TMC2: variants seen among roughly 807,000 people sequenced by gnomAD.
The protein encoded by TMC2 is transmembrane channel like 2.
A neutral mutation model predicts 105.9 loss-of-function variants in TMC2; 102 were observed. The ratio of observed to expected loss-of-function variants is 0.96; its 90% CI spans 0.82 to 1.14. TMC2 has a LOEUF of 1.14. Ranked by LOEUF, TMC2 falls within the 50% of genes most tolerant of loss-of-function variation. The pLI, the probability that TMC2 is intolerant of heterozygous loss-of-function variation, is 0.00. For missense variants in TMC2, 1,093 were observed against 1,134.3 expected, an observed-to-expected ratio of 0.96 and a Z score of 0.52; for synonymous variants, 402 against 422.8, an observed-to-expected ratio of 0.95 and a Z score of 0.60.
chr20:2,591,271 C>T (rs183072904), intron 7 of TMC2, among the ~76,000 whole-genome samples: 70 of 151,882 alleles, frequency 4.6e-4, no homozygotes, highest in Admixed American at 3.2e-3. Flanking sequence ...TACCTTATGA[C>T]GTAGGAAACT....
chr20:2,618,777 C>T (rs1259009486), intron 16 of TMC2, among the ~76,000 whole-genome samples: 1 of 152,226 alleles, frequency 6.6e-6, no homozygotes. Context: ...CAGTTTAGGA[C>T]GTACTGCCCC....
chr20:2,594,758 A>T (rs943547816), intron 8 of TMC2, 67 bp from the exon 9 acceptor site: 1 of 1,473,634 alleles, frequency 6.8e-7, no homozygotes, highest in Non-Finnish European at 9.3e-7. Flanking sequence ...CTGGTAGAGT[A>T]GACATGTCTG....
intron 4 of TMC2, among the ~76,000 whole-genome samples, chr20:2,562,937 C>T (rs2086037438): frequency 6.6e-6 from 1 of 151,618 alleles, no homozygotes. Flanking sequence ...CAGAGGGAGA[C>T]TCTGTATCAA....
intron 17 of TMC2, among the ~76,000 whole-genome samples, chr20:2,626,807 G>A (rs1361478870): frequency 6.6e-6 from 1 of 152,128 alleles, no homozygotes; most frequent in Non-Finnish European, 1.5e-5. Context: ...CAGTTACTAC[G>A]GGACTGAACG....
chr20:2,545,708 GA>G (rs375645858), intron 2 of TMC2, among the ~76,000 whole-genome samples: 1 of 106,742 alleles, frequency 9.4e-6, no homozygotes, highest in African/African-American at 2.8e-5. Flanking sequence ...GAAGAAAGAA[GA>G]AGGAAGAAGA....
At chr20:2,637,965 G>A (rs555097614) in intron 19 of TMC2, among the ~76,000 whole-genome samples, 43 of 152,304 alleles carry the variant, frequency 2.8e-4, no homozygotes, top group African/African-American at 8.9e-4. Flanking sequence ...GCCAAGTGAC[G>A]TAACTGTCAA....
chr20:2,582,162 C>T (rs956338716), intron 7 of TMC2, among the ~76,000 whole-genome samples: 1 of 152,166 alleles, frequency 6.6e-6, no homozygotes, highest in Admixed American at 6.5e-5. Context: ...GAGTGAAGTG[C>T]ACGGACAAGT....
At position 2,641,358 on chromosome 20, in the gene TMC2, G is replaced by C. The variant is rs762058464; in HGVS notation, c.*7G>C. On this transcript the variant is annotated 3_prime_UTR_variant, in exon 20 of 20. Coordinates refer to ENST00000358864, the MANE Select transcript of TMC2 (RefSeq NM_080751.3). ...TCAGAGACCTCCCCACTGATGGCTA[G>C]GACTCCAGGGAGCCTCGACCCTAGG... is the stretch of plus-strand genomic sequence containing the variant. The C allele has an allele frequency of 6.3e-7, 1 of 1,596,168 alleles. No individual in the cohort carries two copies. The highest frequency in any genetic ancestry group is 8.6e-7 in the Non-Finnish European group (1 of 1,164,822).
At chr20:2,566,872 C>G (rs1371810801) in intron 4 of TMC2, among the ~76,000 whole-genome samples, 2 of 152,202 alleles carry the variant, frequency 1.3e-5, no homozygotes, top group East Asian at 3.8e-4. Context: ...CAAGAAAAAT[C>G]TGCTATTTCT....
At chr20:2,560,279 A>AAT (rs201274443) in intron 3 of TMC2, among the ~76,000 whole-genome samples, 2 of 152,034 alleles carry the variant, frequency 1.3e-5, no homozygotes, top group African/African-American at 4.8e-5. Context: ...AAAAAAAAAA[A>AAT]ATATCTCTGT....
chr20:2,616,274 A>T lies in TMC2; in HGVS notation c.1940+70A>T. ...AAAAAACTGGAATCCCAGACTTTGC[A>T]ACTTAACTAGTTGGAAGAGGCTAGA... On this transcript the variant is annotated intron_variant, in intron 15 of 19. Transcript: ENST00000358864. This position sits in a 1 kb window ranked among gnomAD's most constrained non-coding sequence, Gnocchi z 4.8. 1 of 1,313,410 alleles carries T rather than the reference A, an allele frequency of 7.6e-7. No individual in the cohort carries two copies. Among genetic ancestry groups the T allele is most frequent in the East Asian group, 2.3e-5 (1 of 43,456 alleles). The allele number at this position is 1,313,410 out of a possible 1,614,324, so 81.4% of individuals were successfully genotyped here. A position where few individuals can be genotyped will look rare whatever the true frequency, so the allele number is the denominator to read the frequency against.
chr20:2,559,055 G>C (rs757356941), intron 3 of TMC2, among the ~76,000 whole-genome samples: 31 of 152,012 alleles, frequency 2.0e-4, no homozygotes, highest in Non-Finnish European at 4.4e-4. Context: ...CGCGGGTGGA[G>C]AGGTGGCGGG....
At chr20:2,571,720 G>A (rs1023429384) in intron 4 of TMC2, among the ~76,000 whole-genome samples, 2 of 152,110 alleles carry the variant, frequency 1.3e-5, no homozygotes, top group African/African-American at 4.8e-5. Flanking sequence ...AATAATCTTG[G>A]CCGGGCATGG....
rs1414311857 is a variant in TMC2 at position 2,610,545 on chromosome 20, C to T, written c.1540C>T (p.Leu514=). The T allele has an allele frequency of 6.2e-7, 1 of 1,613,564 alleles. No homozygotes were observed. Among genetic ancestry groups the T allele is most frequent in the Non-Finnish European group, 8.5e-7 (1 of 1,179,744 alleles). The change falls in exon 12 of 20, where the codon CTG becomes TTG. Residue 514 remains leucine, a synonymous_variant. Coordinates refer to ENST00000358864, the MANE Select transcript of TMC2 (RefSeq NM_080751.3). ...WQLGRIFALF[L]GNLYTFLLAL... is the part of the protein sequence containing the mutation. ...GCTGGGACGCATCTTTGCACTCTTC[C>T]TGGGGAACCTCTACACATTTCTCTT...
At chr20:2,603,959 C>T (rs2086370503) in intron 11 of TMC2, among the ~76,000 whole-genome samples, 1 of 152,168 alleles carries the variant, frequency 6.6e-6, no homozygotes, top group Non-Finnish European at 1.5e-5. Flanking sequence ...GATTTATTTC[C>T]AGGCCTTCAT....
intron 11 of TMC2, among the ~76,000 whole-genome samples, chr20:2,608,987 C>T (rs1168638068): frequency 6.6e-6 from 1 of 152,184 alleles, no homozygotes; most frequent in Non-Finnish European, 1.5e-5. Context: ...AAGGAGAAAA[C>T]TATTAACTGA....
In TMC2 at chr20:2,536,586, G is replaced by C; in HGVS notation, c.-36G>C. The C allele has an allele frequency of 1.3e-6, 2 of 1,559,450 alleles. No homozygotes were observed. Among genetic ancestry groups the C allele is most frequent in the Non-Finnish European group, 1.7e-6 (2 of 1,151,224 alleles). ...AGGCGTGCATACAGGAGCACGCTGC[G>C]TGAGCCTGTGCAGGACCCCAGCAGT... On this transcript the variant is annotated 5_prime_UTR_variant, in exon 1 of 20. Coordinates refer to ENST00000358864, the MANE Select transcript of TMC2 (RefSeq NM_080751.3).
chr20:2,560,481 T>A (rs2086018046), intron 3 of TMC2, among the ~76,000 whole-genome samples: 1 of 152,088 alleles, frequency 6.6e-6, no homozygotes, highest in South Asian at 2.1e-4. Flanking sequence ...TCCTTAGTCC[T>A]TTCCTTTACC....
At chr20:2,589,701 C>G (rs1351801985) in intron 7 of TMC2, among the ~76,000 whole-genome samples, 1 of 152,040 alleles carries the variant, frequency 6.6e-6, no homozygotes, top group African/African-American at 2.4e-5. Flanking sequence ...ACAAAGTCTC[C>G]CTCTGTCTCC....
Sources: gnomAD v4.1 joint callset for allele counts (sites outside exome capture counted in the v4.1 genomes callset) on GRCh38, gnomAD v4.1.1 for gene constraint, Gnocchi (gnomAD v3.1) non-coding constraint, MANE v1.5 for transcripts, NCBI Gene and HGNC (gene_info 2026-07-23, HGNC 2026-07-21) for gene names.